The following RTN2 variants were observed in gnomAD, a reference collection of about 807,000 sequenced individuals.
RTN2 encodes the protein reticulon 2.
Under a neutral mutation model 63.7 loss-of-function variants are expected in RTN2, and 36 were observed. The ratio of observed to expected loss-of-function variants is 0.56; its 90% CI spans 0.43 to 0.75. The LOEUF (loss-of-function observed/expected upper bound fraction) is 0.75. RTN2 is among the 30% of genes least tolerant of loss of function. The pLI is 0.00. For missense variants in RTN2, 673 were observed against 705.1 expected (o/e 0.95, Z 0.52); for synonymous variants, 312 against 313.0 (o/e 1.00, Z 0.03).
At position 45,494,365 on chromosome 19, in the gene RTN2, G is replaced by C. The variant is rs776211316; in HGVS notation, c.615C>G (p.Pro205=). ...AQPSSPEVLT[P]QLSPGSGTPQ... ...GTGTCCCAGAGCCCGGACTGAGCTGGGGAGTCAAGACCTCGGGCGATGAGG... is the reference window on the plus strand; with the variant it reads ...GTGTCCCAGAGCCCGGACTGAGCTGCGGAGTCAAGACCTCGGGCGATGAGG... The change falls in exon 4 of 11, where the codon CCC becomes CCG. Residue 205 remains proline (P), a synonymous_variant. Coordinates refer to ENST00000245923, the MANE Select transcript of RTN2 (RefSeq NM_005619.5). The surrounding 1 kb of genome is among the most constrained non-coding windows in gnomAD (Gnocchi z 5.3). 1.1e-5 allele frequency: 17 copies of C among 1,613,994 alleles called. No homozygotes were observed. In the South Asian group the frequency reaches 1.5e-4, roughly 15 times the overall value.
rs570205559 is a variant in RTN2, at chr19:45,493,980, G to C, written c.814+186C>G. 2.3e-5 allele frequency: 21 copies of C among 926,292 alleles called. No individual in the cohort carries two copies. The South Asian group carries it at 3.4e-4, about 15-fold the overall frequency. The allele number at this position is 926,292 out of a possible 1,614,324, so 57.4% of individuals were successfully genotyped here. ...GCTGGGATTACAGGCATGAGCCACC[G>C]CGCCCGGCCGGGGAAATTTTTTTAA... On this transcript the variant is annotated intron_variant, in intron 4 of 10. Transcript: ENST00000245923.
At chr19:45,489,676 CT>C (rs200770145) in intron 5 of RTN2, 123 bp from the exon 6 acceptor site, 64,836 of 491,412 alleles carry the variant, frequency 0.13, no homozygotes, top group Middle Eastern at 0.19. Context: ...ACCTGATTTC[CT>C]TTTTTTTTTT....
intron 5 of RTN2, among the ~76,000 whole-genome samples, chr19:45,492,037 C>T (rs957778351): frequency 6.6e-6 from 1 of 152,142 alleles, no homozygotes; most frequent in Non-Finnish European, 1.5e-5. Flanking sequence ...CAGCATCCTG[C>T]CCTGCAGTGG....
chr19:45,485,566 GT>G lies in RTN2; in HGVS notation c.*141del. The stretch of plus-strand genomic sequence containing the variant: ...TGGTCGCTCAGGTAATTAGCGCAGA[GT>G]CCCTAGTGGGAGTGATCCTGACACC... On this transcript the variant is annotated 3_prime_UTR_variant, in exon 11 of 11. Coordinates refer to ENST00000245923, the MANE Select transcript of RTN2 (RefSeq NM_005619.5). 1 of 674,482 alleles carries G rather than the reference GT, an allele frequency of 1.5e-6. No individual in the cohort carries two copies. The highest frequency in any genetic ancestry group is 2.6e-5 in the East Asian group (1 of 39,006). 41.8% of individuals were successfully genotyped at this position (674,482 alleles called of 1,614,324 possible).
chr19:45,489,394 C>T lies in RTN2; in HGVS notation c.1193G>A (p.Arg398His), dbSNP rs1280056583. The T allele has an allele frequency of 3.1e-6, 5 of 1,596,260 alleles. No homozygotes were observed. Among genetic ancestry groups the T allele is most frequent in the East Asian group, 2.3e-5 (1 of 43,978 alleles). ...LCGTISLRVY[R>H]KVLQAVHRGD... is the part of the protein sequence containing the mutation. The stretch of plus-strand genomic sequence containing the variant: ...CCGGTGCACGGCCTGCAGCACTTTG[C>T]GGTAAACCCTGAGAGAGATGGTGCC... The change falls in exon 6 of 11, where the codon CGC becomes CAC. Residue 398 changes from arginine (R) to histidine (H), a missense_variant. Transcript: ENST00000245923.
In RTN2 at chr19:45,494,092, G is replaced by T; in HGVS notation, c.814+74C>A. 6.4e-7 allele frequency: 1 copy of T among 1,563,232 alleles called. No individual in the cohort carries two copies. Among genetic ancestry groups the T allele is most frequent in the Non-Finnish European group, 8.6e-7 (1 of 1,159,850 alleles). Reference sequence around the variant, plus strand: ...TATGTACTGTTCCTTTGCGAGGTTGGTCCCTTTAATTCAAAATCCTCTCAC... The same window carrying T: ...TATGTACTGTTCCTTTGCGAGGTTGTTCCCTTTAATTCAAAATCCTCTCAC... On this transcript the variant is annotated intron_variant, in intron 4 of 10. Coordinates refer to ENST00000245923, the MANE Select transcript of RTN2 (RefSeq NM_005619.5). This position sits in a 1 kb window ranked among gnomAD's most constrained non-coding sequence, Gnocchi z 5.3.
chr19:45,495,026 CCT>C, intron 2 of RTN2, 21 bp from the exon 3 acceptor site: 1 of 1,614,102 alleles, frequency 6.2e-7, no homozygotes. Flanking sequence ...TGAAGGAGAG[CCT>C]TGTTTCCCTC....
Position 45,494,128 on chromosome 19 carries a change from C to G in RTN2, c.814+38G>C. The G allele has an allele frequency of 1.9e-6, 3 of 1,592,346 alleles. No homozygotes were observed. Among genetic ancestry groups the G allele is most frequent in the Non-Finnish European group, 1.7e-6 (2 of 1,175,040 alleles). On this transcript the variant is annotated intron_variant, in intron 4 of 10. Coordinates refer to ENST00000245923, the MANE Select transcript of RTN2 (RefSeq NM_005619.5). This position sits in a 1 kb window ranked among gnomAD's most constrained non-coding sequence, Gnocchi z 5.3. ...TCAAAATCCTCTCACCTTTTGCCTT[C>G]TGTGGGCCAATGCAGCATCTTCATA... is the stretch of plus-strand genomic sequence containing the variant.
Position 45,494,412 on chromosome 19 carries a change from G to C in RTN2, c.568C>G (p.Leu190Val). The change falls in exon 4 of 11, where the codon CTA becomes GTA. Residue 190 changes from leucine (L) to valine (V), a missense_variant. Coordinates refer to ENST00000245923, the MANE Select transcript of RTN2 (RefSeq NM_005619.5). The surrounding 1 kb of genome is among the most constrained non-coding windows in gnomAD (Gnocchi z 5.3). Reference protein sequence around the residue: ...ETGEAGEELDLRLRLAQPSSP... With the variant: ...ETGEAGEELDVRLRLAQPSSP... ...GAGGGCTGAGCAAGTCGGAGTCGTAGGTCCAGTTCTGATACGGTAGAGAGA... is the reference window on the plus strand; with the variant it reads ...GAGGGCTGAGCAAGTCGGAGTCGTACGTCCAGTTCTGATACGGTAGAGAGA... The C allele has an allele frequency of 6.2e-7, 1 of 1,611,984 alleles. No homozygotes were observed. The highest frequency in any genetic ancestry group is 2.2e-5 in the East Asian group (1 of 44,822).
rs1452457185 is a variant in RTN2, at chr19:45,493,252, G to A, written c.941C>T (p.Thr314Ile). The A allele has an allele frequency of 1.9e-6, 3 of 1,613,784 alleles. No homozygotes were observed. The highest frequency in any genetic ancestry group is 2.5e-6 in the Non-Finnish European group (3 of 1,179,982). ...GWVQRGPTPPTPVLRVLLKWA... is the reference protein window; with the variant it reads ...GWVQRGPTPPIPVLRVLLKWA... ...CTTCAGTAGAACCCGGAGGACAGGA[G>A]TAGGGGGGGTGGGGCCCCTTTGGAC... The change falls in exon 5 of 11, where the codon ACT becomes ATT. Residue 314 changes from threonine (T) to isoleucine (I), a missense_variant. By Grantham distance (89) the Thr-to-Ile change is moderately conservative. Coordinates refer to ENST00000245923, the MANE Select transcript of RTN2 (RefSeq NM_005619.5).
intron 5 of RTN2, among the ~76,000 whole-genome samples, chr19:45,489,899 C>A (rs896504374): frequency 9.9e-5 from 15 of 152,110 alleles, no homozygotes; most frequent in African/African-American, 3.6e-4. Context: ...GTTGCCCAGG[C>A]TAGTCTCGAA....
At chr19:45,488,790 C>T (rs1968085155) in intron 7 of RTN2, 58 bp downstream of exon 7, 4 of 1,593,742 alleles carry the variant, frequency 2.5e-6, no homozygotes, top group East Asian at 4.5e-5. Context: ...CCCTCCCACC[C>T]CCTAGCCATG....
chr19:45,491,192 ATT>A (rs540698296), intron 5 of RTN2, among the ~76,000 whole-genome samples: 2 of 141,254 alleles, frequency 1.4e-5, no homozygotes. Context: ...GCCCGGCCAC[ATT>A]TTTTTTTTTT....
intron 2 of RTN2, 35 bp downstream of exon 2, chr19:45,495,060 G>C (rs779267264): frequency 6.2e-7 from 1 of 1,614,214 alleles, no homozygotes; most frequent in Non-Finnish European, 8.5e-7. Flanking sequence ...GAGCTGCCCA[G>C]CCCTGAGCCC....
chr19:45,489,166 C>G (rs935652980), intron 6 of RTN2, 180 bp from the exon 7 acceptor site: 31 of 874,080 alleles, frequency 3.5e-5, no homozygotes, highest in Non-Finnish European at 5.3e-5. Context: ...GGGAAGGGAT[C>G]GAGGATGAAG....
At chr19:45,487,032 C>CT (rs34799041) in intron 9 of RTN2, among the ~76,000 whole-genome samples, 4,520 of 39,138 alleles carry the variant, frequency 0.12, 1,472 homozygotes, top group Non-Finnish European at 0.14. Context: ...CATGCCCAGC[C>CT]TTTTTTTTTT....
intron 6 of RTN2, 104 bp from the exon 7 acceptor site, chr19:45,489,090 G>A: frequency 1.5e-6 from 2 of 1,314,882 alleles, no homozygotes. Context: ...GAGAAGACCA[G>A]AGTTAGGACT....
Position 45,485,672 on chromosome 19 carries a change from C to A in RTN2, c.*36G>T. The A allele has an allele frequency of 6.4e-7, 1 of 1,559,656 alleles. No homozygotes were observed. On this transcript the variant is annotated 3_prime_UTR_variant, in exon 11 of 11. Coordinates refer to ENST00000245923, the MANE Select transcript of RTN2 (RefSeq NM_005619.5). ...GGAGGGGGCCAGAGGGCTGCGGGGGCTGGGGGCAGGCGTCCTGCGGGCAGA... is the reference window on the plus strand; with the variant it reads ...GGAGGGGGCCAGAGGGCTGCGGGGGATGGGGGCAGGCGTCCTGCGGGCAGA...
At position 45,488,862 on chromosome 19, in the gene RTN2, C is replaced by T. The variant is rs533022763; in HGVS notation, c.1366G>A (p.Val456Met). ...LRHFFLVEDLVDSLKLALLFY... is the reference protein window; with the variant it reads ...LRHFFLVEDLMDSLKLALLFY... ...CTCCAGGCCACCTTGAGGGAATCCA[C>T]GAGGTCTTCTACCAGGAAGAAGTGC... Residue 456 changes from valine (V) to methionine (M), a missense_variant, in exon 7 of 11, where the codon GTG becomes ATG. Coordinates refer to ENST00000245923, the MANE Select transcript of RTN2 (RefSeq NM_005619.5). The T allele has an allele frequency of 3.2e-5, 51 of 1,602,538 alleles. No homozygotes were observed. Among genetic ancestry groups the T allele is most frequent in the African/African-American group, 5.3e-5 (4 of 75,018 alleles).
Sources: allele counts gnomAD v4.1 joint callset (sites outside exome capture counted in the v4.1 genomes callset), GRCh38; gene constraint gnomAD v4.1.1; non-coding constraint Gnocchi (gnomAD v3.1); transcripts MANE v1.5; gene names NCBI Gene and HGNC (gene_info 2026-07-23, HGNC 2026-07-21).